Variants in EIF4G3 observed in about 807,000 individuals in gnomAD.
EIF4G3 encodes the protein eukaryotic translation initiation factor 4 gamma 3, also known as eIF-4-gamma 3.
In EIF4G3, 34 loss-of-function variants were observed where a neutral mutation model predicts 186.4. The ratio of observed to expected loss-of-function variants is 0.18; its 90% CI spans 0.14 to 0.24. The LOEUF (loss-of-function observed/expected upper bound fraction) is 0.24. Ranked by LOEUF, EIF4G3 falls within the 10% of genes least tolerant of loss-of-function variation. EIF4G3 has a pLI of 1.00. For synonymous variants in EIF4G3, 673 were observed against 679.5 expected (o/e 0.99, Z 0.15); for missense variants, 1,536 against 1,948.5 (o/e 0.79, Z 3.99).
At chr1:20,892,310 A>G (rs1210606725) in intron 18 of EIF4G3, among the ~76,000 whole-genome samples, 1 of 152,218 alleles carries the variant, frequency 6.6e-6, no homozygotes, top group Non-Finnish European at 1.5e-5. Context: ...GGGAAAAGAG[A>G]CATTCAACAT....
At chr1:21,041,006 A>C (rs941311869) in intron 4 of EIF4G3, among the ~76,000 whole-genome samples, 1 of 152,058 alleles carries the variant, frequency 6.6e-6, no homozygotes, top group Non-Finnish European at 1.5e-5. Context: ...TTCTGATCAG[A>C]AGGTACCCCT....
At chr1:21,101,264 T>C (rs1488931256) in intron 2 of EIF4G3, among the ~76,000 whole-genome samples, 1 of 151,836 alleles carries the variant, frequency 6.6e-6, no homozygotes, top group Non-Finnish European at 1.5e-5. Flanking sequence ...TTTAAATCAC[T>C]GCAGGATAAA....
chr1:20,874,734 C>T (rs2080259769), intron 20 of EIF4G3, among the ~76,000 whole-genome samples: 1 of 152,000 alleles, frequency 6.6e-6, no homozygotes, highest in Admixed American at 6.6e-5. Context: ...AATCTTATAC[C>T]TTTATCCTTC....
intron 4 of EIF4G3, among the ~76,000 whole-genome samples, chr1:21,040,492 T>C (rs1385517138): frequency 6.6e-6 from 1 of 152,168 alleles, no homozygotes; most frequent in Non-Finnish European, 1.5e-5. Context: ...GAGGGGATCA[T>C]GAGATCCCCA....
In EIF4G3 at chr1:20,997,612, G is replaced by C; in HGVS notation, c.166C>G (p.Pro56Ala). Reference sequence around the variant, plus strand: ...CAAGGGTACAGTACCTGATGATGGGGAGGTCGAGGCCCCGCTGCAAACTGA... The same window carrying C: ...CAAGGGTACAGTACCTGATGATGGGCAGGTCGAGGCCCCGCTGCAAACTGA... ...YCIFAAGPRP[P>A]HHQGGFRPIQ... Residue 56 changes from proline (P) to alanine (A), a missense_variant, in exon 7 of 37, where the codon CCC becomes GCC. Physicochemically the swap from Pro to Ala is conservative, Grantham distance 27 (BLOSUM62 -1). This residue lies in a region of EIF4G3 where 194 missense variants were observed against 212.8 expected (regional missense o/e 0.91). Transcript: ENST00000602326. 6.5e-7 allele frequency: 1 copy of C among 1,548,176 alleles called. No individual in the cohort carries two copies. The highest frequency in any genetic ancestry group is 2.5e-5 in the East Asian group (1 of 40,746).
intron 27 of EIF4G3, among the ~76,000 whole-genome samples, chr1:20,852,881 CAAT>C (rs1187949850): frequency 1.3e-5 from 2 of 151,708 alleles, no homozygotes; most frequent in Admixed American, 6.6e-5. Context: ...AAACTTATTA[CAAT>C]AATAATAATA....
At chr1:20,880,562 C>A (rs1259623816) in intron 19 of EIF4G3, among the ~76,000 whole-genome samples, 2 of 152,168 alleles carry the variant, frequency 1.3e-5, no homozygotes, top group Admixed American at 1.3e-4. Flanking sequence ...ACCAGCCTGG[C>A]CGACATGGCA....
chr1:20,893,142 G>T (rs1465434264), intron 18 of EIF4G3: 2 of 180,824 alleles, frequency 1.1e-5, no homozygotes, highest in Non-Finnish European at 2.2e-5. Flanking sequence ...TTTGTTGTCA[G>T]GCTGACCTTG....
chr1:20,902,230 A>AT (rs1486283849), intron 15 of EIF4G3, among the ~76,000 whole-genome samples: 1 of 151,822 alleles, frequency 6.6e-6, no homozygotes, highest in East Asian at 1.9e-4. Context: ...CGCCTGGCTA[A>AT]TTTTTGTATT....
In EIF4G3 at chr1:20,837,874, C is replaced by T. The variant is rs115540403; in HGVS notation, c.4061+2982G>A. Among the ~76,000 whole-genome samples, 292 of 152,158 alleles carry T rather than the reference C, an allele frequency of 1.9e-3. 1 individual carries two copies. The highest frequency in any genetic ancestry group is 6.5e-3 in the African/African-American group (269 of 41,502). On this transcript the variant is annotated intron_variant, in intron 30 of 36. Coordinates refer to ENST00000602326, the MANE Select transcript of EIF4G3 (RefSeq NM_001391906.1). Reference sequence around the variant, plus strand: ...AAAAAGGTGGCACTAAATTGTCAGGCCTCTCCATTTAGAATAAAATAGTAC... The same window carrying T: ...AAAAAGGTGGCACTAAATTGTCAGGTCTCTCCATTTAGAATAAAATAGTAC...
chr1:20,937,332 T>C (rs576546124), intron 14 of EIF4G3, among the ~76,000 whole-genome samples: 1 of 152,310 alleles, frequency 6.6e-6, no homozygotes, highest in East Asian at 1.9e-4. Context: ...GGGATAGAAC[T>C]GTAGCTTTAG....
Position 20,807,317 on chromosome 1 carries a change from T to C in EIF4G3, c.*2A>G. 1 of 1,564,458 alleles carries C rather than the reference T, an allele frequency of 6.4e-7. No individual in the cohort carries two copies. The highest frequency in any genetic ancestry group is 8.7e-7 in the Non-Finnish European group (1 of 1,153,388). On this transcript the variant is annotated 3_prime_UTR_variant, in exon 37 of 37. Transcript: ENST00000602326. ...TTTGTTTCATTTTGTGTATTTGAAG[T>C]TTTAGTTATCCTCAGACTCCTCTTC... is the stretch of plus-strand genomic sequence containing the variant.
intron 2 of EIF4G3, chr1:21,175,699 A>G (rs1193861988): frequency 1.3e-5 from 2 of 152,220 alleles, no homozygotes; most frequent in Non-Finnish European, 2.9e-5. Context: ...CAAACAAGAA[A>G]TTTACCGATA....
chr1:20,861,670 T>G (rs1186217606), intron 23 of EIF4G3, among the ~76,000 whole-genome samples: 1 of 152,236 alleles, frequency 6.6e-6, no homozygotes, highest in Non-Finnish European at 1.5e-5. Flanking sequence ...GAATTCAGAA[T>G]GGCTGATTAC....
At chr1:21,049,691 G>A (rs1453063897) in intron 4 of EIF4G3, among the ~76,000 whole-genome samples, 2 of 152,004 alleles carry the variant, frequency 1.3e-5, no homozygotes, top group African/African-American at 2.4e-5. Flanking sequence ...GCCAATCTGA[G>A]CAACATAGCA....
At chr1:21,016,534 A>C (rs2089120378) in intron 4 of EIF4G3, among the ~76,000 whole-genome samples, 1 of 152,016 alleles carries the variant, frequency 6.6e-6, no homozygotes, top group African/African-American at 2.4e-5. Flanking sequence ...AAAATAAATA[A>C]TTAGTTGGGT....
intron 3 of EIF4G3, among the ~76,000 whole-genome samples, chr1:21,088,625 G>A (rs1343001335): frequency 1.3e-5 from 2 of 152,246 alleles, no homozygotes; most frequent in Middle Eastern, 3.4e-3. Flanking sequence ...AGCACGTTGG[G>A]AGGCCAAGGC....
chr1:20,807,908 G>A (rs193125233), intron 36 of EIF4G3, among the ~76,000 whole-genome samples: 4 of 150,564 alleles, frequency 2.7e-5, no homozygotes, highest in South Asian at 2.1e-4. Flanking sequence ...GATTATAGGC[G>A]CCTGCCTGGG....
chr1:21,150,931 A>G (rs1353421089), intron 2 of EIF4G3, among the ~76,000 whole-genome samples: 2 of 152,206 alleles, frequency 1.3e-5, no homozygotes, highest in African/African-American at 2.4e-5. Flanking sequence ...AGTCAGAATC[A>G]TACCACTGCA....
Sources: gnomAD v4.1 joint callset for allele counts (sites outside exome capture counted in the v4.1 genomes callset) on GRCh38, gnomAD v4.1.1 for gene constraint, gnomAD v4.1.1 regional missense constraint, MANE v1.5 for transcripts, NCBI Gene and HGNC (gene_info 2026-07-23, HGNC 2026-07-21) for gene names.